Variants in MPPED1 observed in about 807,000 individuals in gnomAD.
The protein encoded by MPPED1 is metallophosphoesterase domain-containing protein 1.
In MPPED1, 16 loss-of-function variants were observed where a neutral mutation model predicts 36.2. That is an observed-to-expected ratio of 0.44 (90% CI 0.30 to 0.67). The LOEUF is 0.67. MPPED1 is among the 30% of genes least tolerant of loss of function. The pLI, the probability that MPPED1 is intolerant of heterozygous loss-of-function variation, is 0.10. For missense variants in MPPED1, 307 were observed against 453.4 expected, an observed-to-expected ratio of 0.68 and a Z score of 2.93; for synonymous variants, 199 against 191.3, an observed-to-expected ratio of 1.04 and a Z score of -0.33.
intron 3 of MPPED1, among the ~76,000 whole-genome samples, chr22:43,435,816 C>T (rs1041266781): frequency 2.0e-5 from 3 of 152,180 alleles, no homozygotes; most frequent in African/African-American, 7.2e-5. Context: ...CAGATCACTC[C>T]ACTGCACTCC....
At chr22:43,442,297 C>T (rs754886916) in intron 3 of MPPED1, among the ~76,000 whole-genome samples, 5 of 151,964 alleles carry the variant, frequency 3.3e-5, no homozygotes, top group Admixed American at 6.6e-5. Context: ...TTCTTCCCAC[C>T]TCCCCACCCA....
chr22:43,412,245 G>T (rs1221205759), intron 1 of MPPED1, 87 bp downstream of exon 1: 2 of 830,744 alleles, frequency 2.4e-6, no homozygotes, highest in African/African-American at 1.9e-5. Flanking sequence ...GGCGCTGGGC[G>T]ACGCCCGCGG....
chr22:43,493,995 T>TG (rs1423174544), intron 4 of MPPED1, among the ~76,000 whole-genome samples: 4 of 152,102 alleles, frequency 2.6e-5, no homozygotes, highest in African/African-American at 4.8e-5. Context: ...TGGTTCCTTT[T>TG]GGGGGGCTCT....
chr22:43,441,730 G>A (rs1006558735), intron 3 of MPPED1, among the ~76,000 whole-genome samples: 2 of 152,176 alleles, frequency 1.3e-5, no homozygotes, highest in Non-Finnish European at 2.9e-5. Flanking sequence ...TAGGTCTTTT[G>A]CAAGTAAACC....
intron 4 of MPPED1, among the ~76,000 whole-genome samples, chr22:43,488,871 G>T (rs1931998034): frequency 6.6e-6 from 1 of 152,246 alleles, no homozygotes; most frequent in Non-Finnish European, 1.5e-5. Flanking sequence ...CGCACAGTGG[G>T]GCTGGCACTG....
chr22:43,462,434 G>A (rs1401214532), intron 3 of MPPED1, among the ~76,000 whole-genome samples: 2 of 152,064 alleles, frequency 1.3e-5, no homozygotes, highest in Admixed American at 1.3e-4. Flanking sequence ...GCTATGTTTT[G>A]ATTTTTCAAT....
rs116414237 is a variant in MPPED1 at position 43,436,321 on chromosome 22, C to T, written c.406+1106C>T. Reference sequence around the variant, plus strand: ...TGCGCAGCCCCACGTGGCTGCCAGACGGTCCCTTCCGCCTCCCCAGGGGCG... The same window carrying T: ...TGCGCAGCCCCACGTGGCTGCCAGATGGTCCCTTCCGCCTCCCCAGGGGCG... On this transcript the variant is annotated intron_variant, in intron 3 of 6. Transcript: ENST00000443721. Among the ~76,000 whole-genome samples the T allele has an allele frequency of 1.0e-3, 158 of 152,310 alleles. No homozygotes were observed. In the East Asian group the frequency reaches 0.017, roughly 17 times the overall value.
chr22:43,454,937 A>G (rs966173242), intron 3 of MPPED1, among the ~76,000 whole-genome samples: 3 of 152,102 alleles, frequency 2.0e-5, no homozygotes, highest in African/African-American at 7.2e-5. Flanking sequence ...CTGACCATGT[A>G]CCAGAGACTG....
intron 1 of MPPED1, among the ~76,000 whole-genome samples, chr22:43,416,101 G>A (rs926556369): frequency 7.2e-5 from 11 of 152,158 alleles, no homozygotes; most frequent in Admixed American, 1.3e-4. Flanking sequence ...CTGACAAAGC[G>A]CTTTTTAGTG....
chr22:43,434,773 C>T (rs570109517), intron 2 of MPPED1, among the ~76,000 whole-genome samples: 75 of 152,348 alleles, frequency 4.9e-4, no homozygotes, highest in Non-Finnish European at 9.8e-4. Flanking sequence ...TTCCCAACAG[C>T]CCCCCAACCC....
intron 4 of MPPED1, among the ~76,000 whole-genome samples, chr22:43,482,817 T>C (rs5759360): frequency 0.65 from 99,573 of 152,232 alleles, 34,171 homozygotes; most frequent in African/African-American, 0.88. Context: ...GTCGTGGCAC[T>C]GGCCTTTGAC....
In MPPED1 at chr22:43,496,136, G is replaced by A. The variant is rs376961402; in HGVS notation, c.633-2099G>A. Among the ~76,000 whole-genome samples, 33 of 57,796 alleles carry A rather than the reference G, an allele frequency of 5.7e-4. 1 individual carries two copies. The highest frequency in any genetic ancestry group is 1.9e-3 in the African/African-American group (21 of 10,842). The allele number at this position is 57,796 out of a possible 152,430, so 37.9% of individuals were successfully genotyped here. On this transcript the variant is annotated intron_variant, in intron 4 of 6. Transcript: ENST00000443721. ...GGTGGTGGAGGTGGTGGTGGTGGAG[G>A]TGGTGATGGTGGAGGTGGTGGTGGT...
At position 43,460,236 on chromosome 22, in the gene MPPED1, CAAAAACAAAAACAA is replaced by C. The variant is rs1161737654; in HGVS notation, c.407-14496_407-14483del. Among the ~76,000 whole-genome samples, 102 of 116,202 alleles carry C rather than the reference CAAAAACAAAAACAA, an allele frequency of 8.8e-4. 2 individuals are homozygous for C. The highest frequency in any genetic ancestry group is 4.6e-3 in the South Asian group (14 of 3,028). 76.2% of individuals were successfully genotyped at this position (116,202 alleles called of 152,430 possible). ...ACAAAAACAAAAACAAAAACAAAAA[CAAAAACAAAAACAA>C]AAACAAACCCAAACCCCCCCCCCCA... On this transcript the variant is annotated intron_variant, in intron 3 of 6. Transcript: ENST00000443721.
chr22:43,449,831 G>A (rs1301594926), intron 3 of MPPED1, among the ~76,000 whole-genome samples: 1 of 152,074 alleles, frequency 6.6e-6, no homozygotes. Context: ...ACAGGGCCTT[G>A]GTGAGACCCG....
intron 3 of MPPED1, among the ~76,000 whole-genome samples, chr22:43,444,750 A>G (rs530672841): frequency 1.3e-5 from 2 of 152,040 alleles, no homozygotes; most frequent in East Asian, 3.9e-4. Flanking sequence ...TAAGCAGGGT[A>G]GAGAGATTCA....
intron 3 of MPPED1, among the ~76,000 whole-genome samples, chr22:43,465,494 C>T (rs538192244): frequency 2.0e-5 from 3 of 152,198 alleles, no homozygotes; most frequent in East Asian, 1.9e-4. Flanking sequence ...TACTTATCAC[C>T]GAGCCCCGTG....
intron 1 of MPPED1, among the ~76,000 whole-genome samples, chr22:43,420,716 T>C (rs1378216541): frequency 1.3e-5 from 2 of 152,226 alleles, no homozygotes; most frequent in African/African-American, 4.8e-5. Context: ...TAGACCTTTC[T>C]TGATCACCCA....
intron 3 of MPPED1, among the ~76,000 whole-genome samples, chr22:43,461,612 A>T (rs1473853564): frequency 1.3e-5 from 2 of 152,176 alleles, no homozygotes; most frequent in African/African-American, 4.8e-5. Flanking sequence ...CCAGAGTGTT[A>T]TGTTGCTTAA....
intron 3 of MPPED1, among the ~76,000 whole-genome samples, chr22:43,442,910 C>G (rs1930201658): frequency 6.6e-6 from 1 of 152,180 alleles, no homozygotes; most frequent in Non-Finnish European, 1.5e-5. Flanking sequence ...GGGGCTGTGA[C>G]TGCTGGGGAC....
Sources: gnomAD v4.1 joint callset for allele counts (sites outside exome capture counted in the v4.1 genomes callset) on GRCh38, gnomAD v4.1.1 for gene constraint, MANE v1.5 for transcripts, NCBI Gene and HGNC (gene_info 2026-07-23, HGNC 2026-07-21) for gene names.